The following PSMA3 variants were observed in gnomAD, a reference collection of about 807,000 sequenced individuals.
PSMA3 encodes proteasome 20S subunit alpha 3, also known as proteasome subunit alpha type-3.
A neutral mutation model predicts 40.0 loss-of-function variants in PSMA3; 8 were observed. The ratio of observed to expected loss-of-function variants is 0.20; its 90% CI spans 0.12 to 0.36. The LOEUF (loss-of-function observed/expected upper bound fraction) is 0.36. PSMA3 is among the 10% of genes least tolerant of loss of function. PSMA3 has a pLI of 1.00. For missense variants in PSMA3, 219 were observed against 310.6 expected, an observed-to-expected ratio of 0.70 and a Z score of 2.22; for synonymous variants, 110 against 100.0, an observed-to-expected ratio of 1.10 and a Z score of -0.59.
intron 3 of PSMA3, among the ~76,000 whole-genome samples, chr14:58,254,135 TATAAG>T (rs1375696487): frequency 2.6e-5 from 4 of 151,314 alleles, no homozygotes; most frequent in South Asian, 2.1e-4. Context: ...AGCTTCCACT[TATAAG>T]AGAGAACATG....
chr14:58,256,243 G>T (rs914978514), intron 3 of PSMA3, among the ~76,000 whole-genome samples: 1 of 152,144 alleles, frequency 6.6e-6, no homozygotes, highest in African/African-American at 2.4e-5. Context: ...AAAGATTTGC[G>T]ATTGTGCCTT....
intron 2 of PSMA3, among the ~76,000 whole-genome samples, chr14:58,250,224 A>AAAAAAAG (rs1487318834): frequency 1.3e-5 from 2 of 149,324 alleles, no homozygotes; most frequent in Non-Finnish European, 1.5e-5. Flanking sequence ...CATCTCCAAA[A>AAAAAAAG]AAAAAAAAAA....
At chr14:58,256,215 T>C (rs2140085571) in intron 3 of PSMA3, among the ~76,000 whole-genome samples, 1 of 152,236 alleles carries the variant, frequency 6.6e-6, no homozygotes, top group Admixed American at 6.5e-5. Flanking sequence ...TGTAGTTTAT[T>C]CAGCCAATAG....
chr14:58,261,109 A>T (rs372091185), intron 6 of PSMA3, 89 bp downstream of exon 6: 182 of 860,826 alleles, frequency 2.1e-4, no homozygotes, highest in African/African-American at 2.0e-3. Context: ...ATATGAAATT[A>T]AAAAAAAACT....
chr14:58,250,016 C>T (rs1248839225), intron 2 of PSMA3, among the ~76,000 whole-genome samples: 2 of 151,748 alleles, frequency 1.3e-5, no homozygotes, highest in East Asian at 2.0e-4. Flanking sequence ...CTCAGGAGTT[C>T]GAGACCAGCC....
At chr14:58,246,880 A>G (rs1889894962) in intron 1 of PSMA3, among the ~76,000 whole-genome samples, 1 of 152,214 alleles carries the variant, frequency 6.6e-6, no homozygotes, top group Non-Finnish European at 1.5e-5. Context: ...TATAGATGAT[A>G]CCACTCCCCC....
At chr14:58,267,254 G>T (rs1010996105) in intron 7 of PSMA3, 3 of 770,476 alleles carry the variant, frequency 3.9e-6, no homozygotes, top group Non-Finnish European at 3.3e-6. Context: ...CGGCCGCCTC[G>T]GCCTCCCAAA....
chr14:58,267,318 A>G (rs1234410935), intron 7 of PSMA3, 156 bp from the exon 8 acceptor site: 7 of 1,193,318 alleles, frequency 5.9e-6, no homozygotes, highest in Non-Finnish European at 7.3e-6. Context: ...ATAAATTTCA[A>G]AACATTAAAA....
At chr14:58,252,581 A>G (rs980563058) in intron 3 of PSMA3, among the ~76,000 whole-genome samples, 1 of 152,200 alleles carries the variant, frequency 6.6e-6, no homozygotes, top group Non-Finnish European at 1.5e-5. Context: ...TAAAGATGCC[A>G]TCAGATAGCG....
At chr14:58,266,098 T>C (rs1594832343) in intron 7 of PSMA3, 1 of 152,172 alleles carries the variant, frequency 6.6e-6, no homozygotes, top group African/African-American at 2.4e-5. Flanking sequence ...TTAGAACTTT[T>C]AGTCTTTTTC....
chr14:58,255,497 A>G (rs1363361009), intron 3 of PSMA3, among the ~76,000 whole-genome samples: 2 of 152,286 alleles, frequency 1.3e-5, no homozygotes, highest in East Asian at 1.9e-4. Flanking sequence ...GGCCAGGTGC[A>G]GTGGCTCACA....
intron 6 of PSMA3, among the ~76,000 whole-genome samples, chr14:58,263,067 C>G (rs985375630): frequency 3.3e-5 from 5 of 150,672 alleles, no homozygotes; most frequent in African/African-American, 1.2e-4. Flanking sequence ...ACTGCAACCT[C>G]TGCCTCCCAG....
chr14:58,254,996 G>A (rs892991632), intron 3 of PSMA3, among the ~76,000 whole-genome samples: 1 of 152,122 alleles, frequency 6.6e-6, no homozygotes, highest in African/African-American at 2.4e-5. Flanking sequence ...ATTAAAGATT[G>A]TGATACCACT....
Position 58,263,690 on chromosome 14 carries a change from T to C in PSMA3, c.478-15T>C, listed in dbSNP as rs779086086. The C allele has an allele frequency of 5.6e-6, 9 of 1,602,318 alleles. No individual in the cohort carries two copies. Among genetic ancestry groups the C allele is most frequent in the Admixed American group, 3.3e-5 (2 of 59,852 alleles). Reference sequence around the variant, plus strand: ...TGTACTAATTCAGTGATTATATATATTTTTTTCTAAATAGGGTTATTGGGG... The same window carrying C: ...TGTACTAATTCAGTGATTATATATACTTTTTTCTAAATAGGGTTATTGGGG... On this transcript the variant is annotated splice_polypyrimidine_tract_variant and intron_variant, in intron 6 of 10. Transcript: ENST00000216455.
intron 5 of PSMA3, among the ~76,000 whole-genome samples, chr14:58,259,847 G>A (rs1335353236): frequency 6.6e-6 from 1 of 152,130 alleles, no homozygotes; most frequent in Non-Finnish European, 1.5e-5. Context: ...AGTATGCTTG[G>A]TGTGTAGAGT....
intron 1 of PSMA3, 148 bp from the exon 2 acceptor site, chr14:58,247,602 C>G: frequency 1.7e-6 from 1 of 571,912 alleles, no homozygotes; most frequent in Non-Finnish European, 3.1e-6. Context: ...ACTGTTGCTG[C>G]TCTGACAAGT....
At chr14:58,266,243 T>C (rs1472454883) in intron 7 of PSMA3, 2 of 152,222 alleles carry the variant, frequency 1.3e-5, no homozygotes, top group African/African-American at 4.8e-5. Context: ...CTTCCTCATG[T>C]GGTTGTGCAG....
chr14:58,270,915 C>CA lies in PSMA3; in HGVS notation c.659-18dup, dbSNP rs1314706111. The CA allele has an allele frequency of 1.9e-6, 3 of 1,568,268 alleles. No individual in the cohort carries two copies. The East Asian group carries it at 6.8e-5, about 35-fold the overall frequency. On this transcript the variant is annotated intron_variant, in intron 9 of 10. Transcript: ENST00000216455. ...GTACTCAATTTAAAATTCATTTACACATGTGGCTTAATTTACAGTAACTAA... is the reference window on the plus strand; with the variant it reads ...GTACTCAATTTAAAATTCATTTACACAATGTGGCTTAATTTACAGTAACTAA...
chr14:58,245,146 T>G, intron 1 of PSMA3: 1 of 626,520 alleles, frequency 1.6e-6, no homozygotes, highest in South Asian at 1.9e-5. Context: ...TCCTGAAGCT[T>G]TTCAGCGCAG....
Sources: allele counts gnomAD v4.1 joint callset (sites outside exome capture counted in the v4.1 genomes callset), GRCh38; gene constraint gnomAD v4.1.1; transcripts MANE v1.5; gene names NCBI Gene and HGNC (gene_info 2026-07-23, HGNC 2026-07-21).